TEX14: variants seen among roughly 807,000 people sequenced by gnomAD.
The protein encoded by TEX14 is testis expressed 14, intercellular bridge forming factor.
TEX14 carries 168 observed loss-of-function variants against 178.6 expected under a neutral mutation model. That is an observed-to-expected ratio of 0.94 (90% CI 0.83 to 1.07). The LOEUF (loss-of-function observed/expected upper bound fraction) is 1.07, where lower values mean the gene tolerates loss of function less well. TEX14 is among the 50% of genes least tolerant of loss of function. The pLI is 0.00. For missense variants in TEX14, 1,730 were observed against 1,753.6 expected (o/e 0.99, Z 0.24); for synonymous variants, 626 against 634.1 (o/e 0.99, Z 0.19).
chr17:58,645,218 C>T (rs576134810), intron 2 of TEX14, among the ~76,000 whole-genome samples: 2 of 152,128 alleles, frequency 1.3e-5, no homozygotes, highest in East Asian at 3.9e-4. Context: ...CAACTCCTGA[C>T]CTCAAGTGAT....
rs780068367 is a variant in TEX14, at chr17:58,579,727, G to A, written c.3176C>T (p.Ser1059Leu). The change falls in exon 20 of 32, where the codon TCG (serine) becomes TTG (leucine). Residue 1059 changes from serine to leucine, a missense_variant. Ser to Leu is a moderately radical substitution (Grantham distance 145). Transcript: ENST00000349033. ...TTCAAAGTCCTCTTCTATGGGACTC[G>A]AGGTCTAAAAAAGAACAAAAGAAAA... Reference protein sequence around the residue: ...LVAVEKSYSTSSPIEEDFEGI... With the variant: ...LVAVEKSYSTLSPIEEDFEGI... The A allele has an allele frequency of 3.0e-5, 48 of 1,613,056 alleles. 1 individual carries two copies. The South Asian group carries it at 3.8e-4, about 13-fold the overall frequency.
intron 15 of TEX14, among the ~76,000 whole-genome samples, chr17:58,591,713 GA>G (rs991621890): frequency 1.4e-3 from 178 of 131,460 alleles, no homozygotes; most frequent in African/African-American, 3.8e-3. Context: ...TTATCCACAG[GA>G]AAAAAAAAAA....
intron 15 of TEX14, among the ~76,000 whole-genome samples, chr17:58,592,940 A>G (rs938363022): frequency 2.8e-4 from 42 of 152,306 alleles, no homozygotes; most frequent in Middle Eastern, 3.4e-3. Context: ...ATGCATATAT[A>G]TGCATGAATA....
chr17:58,658,832 G>A lies in TEX14; in HGVS notation c.-1-6830C>T, dbSNP rs538373424. ...TTTTTACTTTTCTTCATTGAGATAGGGTCTCTATCGCTCAGACAGGAGTGC... is the reference window on the plus strand; with the variant it reads ...TTTTTACTTTTCTTCATTGAGATAGAGTCTCTATCGCTCAGACAGGAGTGC... On this transcript the variant is annotated intron_variant, in intron 1 of 31. Transcript: ENST00000349033. Among the ~76,000 whole-genome samples, 22 of 151,876 alleles carry A rather than the reference G, an allele frequency of 1.4e-4. 1 individual carries two copies. The East Asian group carries it at 4.1e-3, about 28-fold the overall frequency.
At chr17:58,633,282 A>G (rs1222931026) in intron 2 of TEX14, among the ~76,000 whole-genome samples, 1 of 152,166 alleles carries the variant, frequency 6.6e-6, no homozygotes, top group Non-Finnish European at 1.5e-5. Flanking sequence ...CACCTCTTCT[A>G]TGTGATCATT....
At chr17:58,563,689 AGAGAGAGAGAGAGCGC>A (rs1218698273) in intron 28 of TEX14, among the ~76,000 whole-genome samples, 14 of 71,768 alleles carry the variant, frequency 2.0e-4, no homozygotes, top group Non-Finnish European at 3.5e-4. Context: ...AGAGAGAGAG[AGAGAGAGAGAGAGCGC>A]AAGATCATAC....
intron 10 of TEX14, 91 bp downstream of exon 10, chr17:58,611,070 G>A: frequency 1.1e-6 from 1 of 890,616 alleles, no homozygotes; most frequent in African/African-American, 1.7e-5. Flanking sequence ...CACCAATGAG[G>A]AGTCCCACCC....
At chr17:58,582,408 T>C (rs1387503781) in intron 19 of TEX14, among the ~76,000 whole-genome samples, 1 of 151,864 alleles carries the variant, frequency 6.6e-6, no homozygotes, top group Non-Finnish European at 1.5e-5. Flanking sequence ...TATAGGCATG[T>C]GCCACCATGC....
At chr17:58,606,326 AT>A (rs1277586187) in intron 10 of TEX14, among the ~76,000 whole-genome samples, 1 of 152,194 alleles carries the variant, frequency 6.6e-6, no homozygotes, top group Non-Finnish European at 1.5e-5. Context: ...TAGTATGAAT[AT>A]TATGGGAGGC....
intron 1 of TEX14, among the ~76,000 whole-genome samples, chr17:58,691,062 C>T (rs1386691471): frequency 2.6e-5 from 4 of 151,918 alleles, no homozygotes; most frequent in Non-Finnish European, 5.9e-5. Flanking sequence ...GCCATGTTGT[C>T]GAGGCTGGTC....
intron 5 of TEX14, among the ~76,000 whole-genome samples, chr17:58,618,112 T>G (rs2045916095): frequency 6.6e-6 from 1 of 152,198 alleles, no homozygotes; most frequent in Non-Finnish European, 1.5e-5. Flanking sequence ...ACATCTTAAC[T>G]GCAACTTCAT....
intron 1 of TEX14, among the ~76,000 whole-genome samples, chr17:58,655,342 C>A (rs1215165545): frequency 6.6e-6 from 1 of 151,746 alleles, no homozygotes; most frequent in African/African-American, 2.4e-5. Flanking sequence ...CACCACAATG[C>A]CCAGCTAATT....
chr17:58,684,987 T>C (rs1319010309), intron 1 of TEX14, among the ~76,000 whole-genome samples: 1 of 151,990 alleles, frequency 6.6e-6, no homozygotes, highest in African/African-American at 2.4e-5. Context: ...AATAGTCAAA[T>C]GTTGAAGGAA....
At chr17:58,690,995 C>T (rs907207488) in intron 1 of TEX14, among the ~76,000 whole-genome samples, 4 of 151,994 alleles carry the variant, frequency 2.6e-5, no homozygotes, top group African/African-American at 9.7e-5. Context: ...CTGGGACGAC[C>T]GGTGCATGCC....
chr17:58,598,781 G>T, intron 14 of TEX14, 95 bp downstream of exon 14: 1 of 1,189,502 alleles, frequency 8.4e-7, no homozygotes, highest in South Asian at 1.5e-5. Flanking sequence ...CTGATCCCCA[G>T]TGTTTACTTT....
At chr17:58,605,329 G>A (rs527855227) in intron 10 of TEX14, among the ~76,000 whole-genome samples, 200 bp from the exon 11 acceptor site, 3 of 152,316 alleles carry the variant, frequency 2.0e-5, no homozygotes, top group Admixed American at 2.0e-4. Context: ...CAAGTAGCTA[G>A]GATTACAGGT....
rs1358436789 is a variant in TEX14, at chr17:58,574,188, T to C, written c.3382A>G (p.Ile1128Val). Reference protein sequence around the residue: ...ESPKELKEKDISLTDIQDLSS... With the variant: ...ESPKELKEKDVSLTDIQDLSS... ...AGGCATTCTCTTTGGTGATCATACA[T>C]GTCTTTCTCTTTCAGTTCCTTTGGT... Residue 1128 changes from isoleucine (I) to valine (V), a missense_variant and splice_region_variant, in exon 22 of 32, where the codon ATA (isoleucine) becomes GTA (valine). Physicochemically the swap from Ile to Val is conservative, Grantham distance 29 (BLOSUM62 3). This residue lies in a region of TEX14 where 941 missense variants were observed against 1,072.4 expected (regional missense o/e 0.88). Transcript: ENST00000349033. 1.2e-6 allele frequency: 2 copies of C among 1,612,010 alleles called. No individual in the cohort carries two copies. The highest frequency in any genetic ancestry group is 1.7e-6 in the Non-Finnish European group (2 of 1,178,134).
intron 14 of TEX14, among the ~76,000 whole-genome samples, chr17:58,594,025 G>T (rs943487916): frequency 6.6e-6 from 1 of 152,112 alleles, no homozygotes; most frequent in African/African-American, 2.4e-5. Context: ...AGTAGAGACA[G>T]GGTTTCACCA....
chr17:58,663,303 TC>T (rs1203318202), intron 1 of TEX14, among the ~76,000 whole-genome samples: 1 of 147,480 alleles, frequency 6.8e-6, no homozygotes, highest in African/African-American at 2.5e-5. Context: ...ATGCCTGTAA[TC>T]CCAGCTACTT....
Sources: gnomAD v4.1 joint callset for allele counts (sites outside exome capture counted in the v4.1 genomes callset) on GRCh38, gnomAD v4.1.1 for gene constraint, gnomAD v4.1.1 regional missense constraint, MANE v1.5 for transcripts, NCBI Gene and HGNC (gene_info 2026-07-23, HGNC 2026-07-21) for gene names.